ERMP1: variants seen among roughly 807,000 people sequenced by gnomAD.
The protein encoded by ERMP1 is endoplasmic reticulum metallopeptidase 1.
In ERMP1, 86 loss-of-function variants were observed where a neutral mutation model predicts 92.0. That is an observed-to-expected ratio of 0.93 (90% CI 0.79 to 1.12). ERMP1 has a LOEUF of 1.12. Among genes scored for constraint, ERMP1 ranks in the 50% most tolerant of loss-of-function variants. ERMP1 has a pLI of 0.00. For missense variants in ERMP1, 1,342 were observed against 1,116.3 expected, an observed-to-expected ratio of 1.20 and a Z score of -2.88; for synonymous variants, 530 against 412.8, an observed-to-expected ratio of 1.28 and a Z score of -3.44.
intron 5 of ERMP1, among the ~76,000 whole-genome samples, chr9:5,866,402 T>G (rs902465086): frequency 1.3e-5 from 2 of 152,236 alleles, no homozygotes; most frequent in African/African-American, 4.8e-5. Context: ...TGGATCCTAC[T>G]GTTTGGATAT....
At chr9:5,805,449 G>GGGAT (rs1828834132) in intron 9 of ERMP1, among the ~76,000 whole-genome samples, 162 bp downstream of exon 9, 1 of 152,120 alleles carries the variant, frequency 6.6e-6, no homozygotes, top group Non-Finnish European at 1.5e-5. Flanking sequence ...ACATGAGAAA[G>GGGAT]GGATGGAGTA....
intron 13 of ERMP1, among the ~76,000 whole-genome samples, chr9:5,789,092 A>C (rs556863781): frequency 6.6e-6 from 1 of 152,272 alleles, no homozygotes; most frequent in African/African-American, 2.4e-5. Context: ...ACGAAACAGA[A>C]CTAATATTTA....
chr9:5,788,632 A>G (rs571179507), intron 13 of ERMP1, among the ~76,000 whole-genome samples: 2 of 152,224 alleles, frequency 1.3e-5, no homozygotes, highest in African/African-American at 4.8e-5. Context: ...CAGCACAAAA[A>G]TGAGGAAGAA....
chr9:5,831,099 T>C, intron 1 of ERMP1, 71 bp from the exon 2 acceptor site: 1 of 1,208,144 alleles, frequency 8.3e-7, no homozygotes, highest in Non-Finnish European at 1.2e-6. Flanking sequence ...ACTTTTCCAC[T>C]ACACACCCCT....
intron 11 of ERMP1, among the ~76,000 whole-genome samples, chr9:5,800,076 G>A (rs1462572825): frequency 2.0e-5 from 3 of 152,128 alleles, no homozygotes; most frequent in Non-Finnish European, 4.4e-5. Context: ...TGTTTGGCTA[G>A]ATTAGGTTAG....
rs987147594 is a variant in ERMP1, at chr9:5,845,069, T to C, written n.3200-11757A>G. Among the ~76,000 whole-genome samples the C allele has an allele frequency of 2.9e-4, 44 of 151,838 alleles. 1 individual carries two copies. The highest frequency in any genetic ancestry group is 1.0e-3 in the African/African-American group (43 of 41,364). On this transcript the variant is annotated intron_variant and non_coding_transcript_variant, in intron 6 of 6. Transcript: ENST00000690753. ...TGGGGCAGTATAGGGCCTTTGAAAC[T>C]TAAACTTGCATTTGTCGAGCCTAAA...
At chr9:5,856,681 C>G (rs57204221) in intron 6 of ERMP1, among the ~76,000 whole-genome samples, 6,933 of 152,238 alleles carry the variant, frequency 0.046, 559 homozygotes, top group African/African-American at 0.16. Context: ...AATACTGAAC[C>G]ATTGCTCCTA....
Position 5,811,146 on chromosome 9 carries a change from T to A in ERMP1, c.1292A>T (p.Tyr431Phe). The A allele has an allele frequency of 1.2e-6, 2 of 1,613,898 alleles. No homozygotes were observed. Among genetic ancestry groups the A allele is most frequent in the African/African-American group, 1.3e-5 (1 of 74,978 alleles). The change falls in exon 7 of 15, where the codon TAC (tyrosine) becomes TTC (phenylalanine). Residue 431 changes from tyrosine to phenylalanine, a missense_variant. Tyr to Phe is a conservative substitution (Grantham distance 22). Coordinates refer to ENST00000339450, the MANE Select transcript of ERMP1 (RefSeq NM_024896.3). ...GGGCTGCAAAAATTTTTTGCCCAGG[T>A]ACAAAACAACACCCATTACCACCAT... ...NYMVVMGVVL[Y>F]LGKKFLQPKH...
intron 7 of ERMP1, among the ~76,000 whole-genome samples, chr9:5,810,617 G>C (rs573733769): frequency 6.6e-6 from 1 of 152,164 alleles, no homozygotes; most frequent in African/African-American, 2.4e-5. Flanking sequence ...GGTAACATAA[G>C]AAGATAAGGA....
At chr9:5,819,140 TAA>T (rs1261177207) in intron 4 of ERMP1, among the ~76,000 whole-genome samples, 2 of 152,058 alleles carry the variant, frequency 1.3e-5, no homozygotes, top group African/African-American at 2.4e-5. Flanking sequence ...AGCATTATCA[TAA>T]AAGTCTAAAA....
intron 13 of ERMP1, among the ~76,000 whole-genome samples, chr9:5,789,311 G>C (rs1828072531): frequency 6.6e-6 from 1 of 151,932 alleles, no homozygotes; most frequent in Non-Finnish European, 1.5e-5. Flanking sequence ...AATTACATTG[G>C]TATCAGACCC....
At chr9:5,818,343 AATG>A (rs1287703241) in intron 4 of ERMP1, among the ~76,000 whole-genome samples, 1 of 152,174 alleles carries the variant, frequency 6.6e-6, no homozygotes, top group African/African-American at 2.4e-5. Context: ...GAGAAAAATT[AATG>A]ATGGAAGAAA....
At chr9:5,813,148 C>T in intron 4 of ERMP1, 113 bp from the exon 5 acceptor site, 1 of 972,812 alleles carries the variant, frequency 1.0e-6, no homozygotes, top group Non-Finnish European at 1.6e-6. Context: ...GAGACGGGTC[C>T]AATATGTACC....
intron 6 of ERMP1, among the ~76,000 whole-genome samples, chr9:5,847,233 A>C (rs140532020): frequency 1.5e-3 from 231 of 152,302 alleles, no homozygotes; most frequent in African/African-American, 5.5e-3. Flanking sequence ...ATCAACCCAA[A>C]TATCATCACT....
intron 4 of ERMP1, among the ~76,000 whole-genome samples, chr9:5,820,393 G>T (rs1472169241): frequency 6.6e-6 from 1 of 152,112 alleles, no homozygotes; most frequent in Non-Finnish European, 1.5e-5. Flanking sequence ...ATTAATGTTT[G>T]CATTTAGAAA....
chr9:5,854,942 G>A (rs978744163), intron 6 of ERMP1, among the ~76,000 whole-genome samples: 3 of 152,128 alleles, frequency 2.0e-5, no homozygotes, highest in African/African-American at 7.2e-5. Flanking sequence ...AAACTTTTAG[G>A]GGTTGAATCT....
intron 6 of ERMP1, among the ~76,000 whole-genome samples, chr9:5,845,237 G>A (rs767767051): frequency 6.6e-6 from 1 of 151,586 alleles, no homozygotes; most frequent in Non-Finnish European, 1.5e-5. Flanking sequence ...CTGTGACTCT[G>A]AGAGGATTTG....
chr9:5,840,458 C>A (rs946407219), intron 6 of ERMP1, among the ~76,000 whole-genome samples: 1 of 152,172 alleles, frequency 6.6e-6, no homozygotes, highest in Admixed American at 6.5e-5. Flanking sequence ...GCCAGATCAC[C>A]CCTCCTGCAG....
chr9:5,851,596 T>C (rs1830307575), intron 6 of ERMP1, among the ~76,000 whole-genome samples: 1 of 152,162 alleles, frequency 6.6e-6, no homozygotes, highest in South Asian at 2.1e-4. Flanking sequence ...CTGCTTATTA[T>C]AACCATTTCA....
Sources: gnomAD v4.1 joint callset for allele counts (sites outside exome capture counted in the v4.1 genomes callset) on GRCh38, gnomAD v4.1.1 for gene constraint, MANE v1.5 for transcripts, NCBI Gene and HGNC (gene_info 2026-07-23, HGNC 2026-07-21) for gene names.